ITPR2: variants seen among roughly 807,000 people sequenced by gnomAD.
The protein encoded by ITPR2 is inositol 1,4,5-trisphosphate-gated calcium channel ITPR2.
ITPR2 carries 207 observed loss-of-function variants against 317.1 expected under a neutral mutation model. The observed-to-expected ratio is 0.65, with a 90% confidence interval of 0.58 to 0.73. The LOEUF is 0.73. ITPR2 is among the 30% of genes least tolerant of loss of function. The probability of loss-of-function intolerance (pLI) is 0.00; values close to 1 mark genes in which losing one functional copy is unlikely to be tolerated. For synonymous variants in ITPR2, 1,156 were observed against 1,149.1 expected (o/e 1.01, Z -0.12); for missense variants, 2,613 against 3,284.0 (o/e 0.80, Z 4.99).
Position 26,494,319 on chromosome 12 carries a change from G to T in ITPR2, c.5204C>A (p.Ser1735Ter). Residue 1735 changes from serine (S) to a stop codon, truncating the protein, a stop_gained, in exon 39 of 57, where the codon TCA (serine) becomes TAA (stop). Transcript: ENST00000381340. LOFTEE classifies it high-confidence loss of function. ...QVGGSFSGQD[S>*]DKMGISMSDI... ...TGACATTGATATCCCCATCTTATCTGAATCTTGTCCAGAAAAGCTTCCTGT... is the reference window on the plus strand; with the variant it reads ...TGACATTGATATCCCCATCTTATCTTAATCTTGTCCAGAAAAGCTTCCTGT... The T allele has an allele frequency of 1.2e-6, 2 of 1,605,286 alleles. No homozygotes were observed. The highest frequency in any genetic ancestry group is 1.1e-5 in the South Asian group (1 of 88,914).
intron 54 of ITPR2, 129 bp from the exon 55 acceptor site, chr12:26,387,723 G>T: frequency 1.2e-6 from 1 of 802,840 alleles, no homozygotes; most frequent in Non-Finnish European, 1.9e-6. Flanking sequence ...AATTTAAAAT[G>T]CTATGATTAA....
chr12:26,728,166 C>G (rs537285156), intron 2 of ITPR2, among the ~76,000 whole-genome samples: 1 of 152,240 alleles, frequency 6.6e-6, no homozygotes, highest in South Asian at 2.1e-4. Flanking sequence ...GAGCAAGGGG[C>G]AGGAAGGCCA....
intron 15 of ITPR2, among the ~76,000 whole-genome samples, chr12:26,661,296 G>GA (rs1947496713): frequency 1.2e-5 from 1 of 83,826 alleles, no homozygotes. Flanking sequence ...GGGTGGGAGG[G>GA]AACGGGCACG....
intron 15 of ITPR2, among the ~76,000 whole-genome samples, chr12:26,663,194 C>T (rs780064418): frequency 2.0e-5 from 3 of 152,178 alleles, no homozygotes; most frequent in Non-Finnish European, 4.4e-5. Flanking sequence ...TACCCAAAGG[C>T]TTCCTTCTCC....
chr12:26,694,484 T>C (rs7955100), intron 10 of ITPR2, among the ~76,000 whole-genome samples: 27,487 of 152,062 alleles, frequency 0.18, 3,284 homozygotes, highest in Non-Finnish European at 0.26. Flanking sequence ...GTAAGTTCTT[T>C]CTAACATGCT....
In ITPR2 at chr12:26,757,250, C is replaced by G. The variant is rs542342405; in HGVS notation, c.164-31485G>C. On this transcript the variant is annotated intron_variant, in intron 2 of 56. Transcript: ENST00000381340. ...TTTTTTTTTGAGATGGAGTCTCACT[C>G]TGTCACCTAGGCTAGAGTGCAATGG... 7.1e-4 allele frequency among the ~76,000 whole-genome samples: 106 copies of G among 149,550 alleles called. 1 individual carries two copies. Among genetic ancestry groups the G allele is most frequent in the African/African-American group, 2.6e-3 (104 of 40,676 alleles).
intron 37 of ITPR2, among the ~76,000 whole-genome samples, chr12:26,525,014 A>C (rs1040888860): frequency 6.6e-6 from 1 of 152,240 alleles, no homozygotes; most frequent in Non-Finnish European, 1.5e-5. Flanking sequence ...AAACCTGAGA[A>C]ACACTGAGTG....
intron 39 of ITPR2, among the ~76,000 whole-genome samples, chr12:26,492,772 T>A (rs1942837232): frequency 6.6e-6 from 1 of 152,118 alleles, no homozygotes; most frequent in South Asian, 2.1e-4. Flanking sequence ...TGATACTTAA[T>A]AACAATAATA....
intron 2 of ITPR2, among the ~76,000 whole-genome samples, chr12:26,765,205 T>C (rs1178765666): frequency 6.6e-6 from 1 of 152,118 alleles, no homozygotes; most frequent in East Asian, 1.9e-4. Flanking sequence ...AATGATACTC[T>C]TATTTGCCTT....
chr12:26,481,512 A>T (rs1285635685), intron 42 of ITPR2, among the ~76,000 whole-genome samples: 1 of 152,240 alleles, frequency 6.6e-6, no homozygotes, highest in African/African-American at 2.4e-5. Flanking sequence ...ATTTCAGAGA[A>T]TACTGGTTAA....
At chr12:26,499,388 A>G (rs1502418) in intron 37 of ITPR2, among the ~76,000 whole-genome samples, 63,154 of 151,910 alleles carry the variant, frequency 0.42, 14,782 homozygotes, top group Non-Finnish European at 0.53. Context: ...TTCTGTTGTC[A>G]ACTCTGAAGC....
chr12:26,389,440 A>C (rs541696250), intron 54 of ITPR2, among the ~76,000 whole-genome samples: 28 of 150,068 alleles, frequency 1.9e-4, no homozygotes, highest in African/African-American at 6.1e-4. Context: ...CTTACCTCTC[A>C]CTGTTCTCTC....
intron 21 of ITPR2, among the ~76,000 whole-genome samples, chr12:26,645,775 T>A (rs1164130194): frequency 6.6e-6 from 1 of 152,184 alleles, no homozygotes; most frequent in Non-Finnish European, 1.5e-5. Context: ...CTCAGTCAGG[T>A]GAAAAATTCA....
At chr12:26,464,419 G>A (rs1179953717) in intron 45 of ITPR2, among the ~76,000 whole-genome samples, 2 of 152,170 alleles carry the variant, frequency 1.3e-5, no homozygotes, top group African/African-American at 4.8e-5. Flanking sequence ...ACACTCTTAT[G>A]AGAATCTAAT....
rs1941111023 is a variant in ITPR2 at position 26,427,957 on chromosome 12, T to C, written c.6901A>G (p.Thr2301Ala). 1.2e-6 allele frequency: 2 copies of C among 1,611,498 alleles called. No individual in the cohort carries two copies. The highest frequency in any genetic ancestry group is 1.1e-5 in the South Asian group (1 of 90,608). The change falls in exon 49 of 57, where the codon ACA becomes GCA. Residue 2301 changes from threonine to alanine, a missense_variant. Physicochemically the swap from Thr to Ala is moderately conservative, Grantham distance 58 (BLOSUM62 0). This residue lies in a region of ITPR2 where 78 missense variants were observed against 110.3 expected (regional missense o/e 0.71). Coordinates refer to ENST00000381340, the MANE Select transcript of ITPR2 (RefSeq NM_002223.4). The stretch of plus-strand genomic sequence containing the variant: ...ATTAATGTAGGCCCAAGACCTATTG[T>C]ATATATTGATCTGAGCATTATTGAT... ...LVSIMLRSIY[T>A]IGLGPTLILL...
At chr12:26,637,870 G>A (rs956468485) in intron 21 of ITPR2, among the ~76,000 whole-genome samples, 1 of 152,118 alleles carries the variant, frequency 6.6e-6, no homozygotes, top group African/African-American at 2.4e-5. Flanking sequence ...ATACTTAATG[G>A]AAGAAGCAGA....
At chr12:26,737,725 G>A (rs904150328) in intron 2 of ITPR2, among the ~76,000 whole-genome samples, 1 of 152,002 alleles carries the variant, frequency 6.6e-6, no homozygotes, top group Admixed American at 6.6e-5. Context: ...TTCAGCACCC[G>A]GACCCCATAA....
At chr12:26,683,375 T>A (rs141463387) in intron 11 of ITPR2, among the ~76,000 whole-genome samples, 3 of 152,286 alleles carry the variant, frequency 2.0e-5, no homozygotes, top group Non-Finnish European at 2.9e-5. Flanking sequence ...TGTGGCCCAT[T>A]TAGTGCCATG....
At chr12:26,715,235 A>G in intron 8 of ITPR2, 64 bp downstream of exon 8, 1 of 1,392,108 alleles carries the variant, frequency 7.2e-7, no homozygotes, top group Admixed American at 2.0e-5. Context: ...ATAAAACAAC[A>G]AGCCCAGTGA....
Sources: gnomAD v4.1 joint callset for allele counts (sites outside exome capture counted in the v4.1 genomes callset) on GRCh38, gnomAD v4.1.1 for gene constraint, gnomAD v4.1.1 regional missense constraint, MANE v1.5 for transcripts, NCBI Gene and HGNC (gene_info 2026-07-23, HGNC 2026-07-21) for gene names.